PRKACB: variants seen among roughly 807,000 people sequenced by gnomAD.
The protein encoded by PRKACB is protein kinase cAMP-activated catalytic subunit beta, also known as cAMP-dependent protein kinase catalytic subunit beta.
Under a neutral mutation model 51.4 loss-of-function variants are expected in PRKACB, and 16 were observed. That is an observed-to-expected ratio of 0.31 (90% CI 0.21 to 0.47). The LOEUF (loss-of-function observed/expected upper bound fraction) is 0.47, where lower values mean the gene tolerates loss of function less well. PRKACB is among the 20% of genes least tolerant of loss of function. The probability of loss-of-function intolerance (pLI) is 1.00; values close to 1 mark genes in which losing one functional copy is unlikely to be tolerated. For missense variants in PRKACB, 309 were observed against 464.5 expected (o/e 0.67, Z 3.08); for synonymous variants, 147 against 154.4 (o/e 0.95, Z 0.35).
intron 1 of PRKACB, among the ~76,000 whole-genome samples, chr1:84,133,867 G>T (rs1448075545): frequency 8.2e-6 from 1 of 121,490 alleles, no homozygotes; most frequent in East Asian, 2.2e-4. Context: ...GTGTTTAACA[G>T]TTCAGTGGAC....
intron 1 of PRKACB, among the ~76,000 whole-genome samples, chr1:84,127,635 G>A (rs1038839605): frequency 2.0e-5 from 3 of 151,900 alleles, no homozygotes; most frequent in Admixed American, 6.6e-5. Context: ...TGAATTTTGC[G>A]GGTTTTTTTT....
chr1:84,117,002 G>A (rs1369081319), intron 1 of PRKACB, among the ~76,000 whole-genome samples: 2 of 151,552 alleles, frequency 1.3e-5, no homozygotes, highest in African/African-American at 4.8e-5. Flanking sequence ...TTTATGCCTA[G>A]TTTGTTGAGT....
intron 9 of PRKACB, among the ~76,000 whole-genome samples, chr1:84,215,040 A>G (rs986673780): frequency 1.3e-5 from 2 of 152,196 alleles, no homozygotes. Context: ...TGCTAGTTTC[A>G]TTCCTTGTTA....
intron 7 of PRKACB, among the ~76,000 whole-genome samples, chr1:84,199,076 TGTATATATATG>T (rs1669178459): frequency 5.9e-5 from 3 of 50,434 alleles, no homozygotes; most frequent in East Asian, 9.4e-4. Flanking sequence ...TATGCATATA[TGTATATATATG>T]CGTATATATG....
At chr1:84,210,107 T>G (rs945937157) in intron 8 of PRKACB, among the ~76,000 whole-genome samples, 2 of 152,192 alleles carry the variant, frequency 1.3e-5, no homozygotes, top group Non-Finnish European at 2.9e-5. Context: ...CACAAGTGAT[T>G]CTGATAAACA....
intron 9 of PRKACB, among the ~76,000 whole-genome samples, chr1:84,216,002 A>G (rs1672830438): frequency 6.6e-6 from 1 of 152,154 alleles, no homozygotes; most frequent in Non-Finnish European, 1.5e-5. Flanking sequence ...ATTAAGTATT[A>G]AAAGCACAGT....
chr1:84,086,096 A>C (rs1647961378), intron 1 of PRKACB: 3 of 1,434,156 alleles, frequency 2.1e-6, no homozygotes, highest in Non-Finnish European at 2.0e-6. Flanking sequence ...TGATGACCAC[A>C]CAGACCTCGC....
chr1:84,172,953 C>T (rs1660021455), intron 1 of PRKACB, among the ~76,000 whole-genome samples: 1 of 151,712 alleles, frequency 6.6e-6, no homozygotes, highest in Non-Finnish European at 1.5e-5. Flanking sequence ...ACAATTACAA[C>T]TGAAGTATTA....
At chr1:84,082,974 TAGTG>T (rs1647667682) in intron 1 of PRKACB, among the ~76,000 whole-genome samples, 1 of 152,218 alleles carries the variant, frequency 6.6e-6, no homozygotes. Flanking sequence ...TTTATAAACT[TAGTG>T]AGCAAATTAT....
intron 1 of PRKACB, among the ~76,000 whole-genome samples, chr1:84,146,312 C>T (rs1333499244): frequency 6.6e-6 from 1 of 151,696 alleles, no homozygotes; most frequent in Non-Finnish European, 1.5e-5. Flanking sequence ...CTTTTTATAT[C>T]CCTGAATACC....
chr1:84,234,909 C>G (rs1304631352), intron 9 of PRKACB, among the ~76,000 whole-genome samples: 1 of 152,234 alleles, frequency 6.6e-6, no homozygotes, highest in Non-Finnish European at 1.5e-5. Flanking sequence ...TAGACCGTAC[C>G]TGTTCCTATT....
chr1:84,131,857 G>A (rs1376187152), intron 1 of PRKACB, among the ~76,000 whole-genome samples: 1 of 152,180 alleles, frequency 6.6e-6, no homozygotes, highest in Non-Finnish European at 1.5e-5. Context: ...ACACTTTCAT[G>A]GGTTTTGCTT....
chr1:84,115,559 T>G (rs1473251519), intron 1 of PRKACB, among the ~76,000 whole-genome samples: 1 of 151,996 alleles, frequency 6.6e-6, no homozygotes, highest in Admixed American at 6.6e-5. Context: ...GGTGTTTTTG[T>G]TGCCTGTATT....
chr1:84,177,827 T>C (rs1314759695), intron 1 of PRKACB, among the ~76,000 whole-genome samples: 11 of 152,066 alleles, frequency 7.2e-5, no homozygotes. Context: ...TATATTTGGA[T>C]GATTAGGTAA....
At chr1:84,098,895 G>T (rs571526546) in intron 1 of PRKACB, among the ~76,000 whole-genome samples, 1 of 152,024 alleles carries the variant, frequency 6.6e-6, no homozygotes, top group Non-Finnish European at 1.5e-5. Flanking sequence ...AATATTTGGG[G>T]TATCAAGGAT....
intron 1 of PRKACB, among the ~76,000 whole-genome samples, chr1:84,114,559 C>A (rs1650481601): frequency 6.6e-6 from 1 of 151,936 alleles, no homozygotes; most frequent in Non-Finnish European, 1.5e-5. Flanking sequence ...GAGTGTCAGT[C>A]ACCCAAGTAC....
At chr1:84,151,432 A>G (rs922685090) in intron 1 of PRKACB, among the ~76,000 whole-genome samples, 9 of 152,062 alleles carry the variant, frequency 5.9e-5, no homozygotes, top group Admixed American at 3.3e-4. Context: ...GGCAGTGGCA[A>G]TTTCTTAAAA....
chr1:84,078,201 C>A, exon 1 of PRKACB: 2 of 1,119,488 alleles, frequency 1.8e-6, no homozygotes, highest in Non-Finnish European at 2.5e-6. Flanking sequence ...ACTCCTGGCG[C>A]CAGCGCTAGG....
chr1:84,137,082 A>G (rs1347929092), intron 1 of PRKACB, among the ~76,000 whole-genome samples: 2 of 152,056 alleles, frequency 1.3e-5, no homozygotes, highest in East Asian at 3.9e-4. Flanking sequence ...GGTGATTGTA[A>G]GTTTCCCGAG....
Sources: gnomAD v4.1 joint callset for allele counts (sites outside exome capture counted in the v4.1 genomes callset) on GRCh38, gnomAD v4.1.1 for gene constraint, MANE v1.5 for transcripts, NCBI Gene and HGNC (gene_info 2026-07-23, HGNC 2026-07-21) for gene names.